Variants in TENM3 observed in about 807,000 individuals in gnomAD.
TENM3 encodes teneurin transmembrane protein 3.
Under a neutral mutation model 255.1 loss-of-function variants are expected in TENM3, and 63 were observed. The observed-to-expected ratio is 0.25, with a 90% confidence interval of 0.20 to 0.30. TENM3 has a LOEUF of 0.30. TENM3 is among the 10% of genes least tolerant of loss of function. The probability of loss-of-function intolerance (pLI) is 1.00; values close to 1 mark genes in which losing one functional copy is unlikely to be tolerated. For synonymous variants in TENM3, 1,306 were observed against 1,322.3 expected (o/e 0.99, Z 0.27); for missense variants, 2,929 against 3,461.1 (o/e 0.85, Z 3.86).
chr4:181,635,168 C>T, the TENM3 span, among the ~76,000 whole-genome samples: 7 of 152,194 alleles, frequency 4.6e-5, no homozygotes, highest in East Asian at 3.9e-4. Context: ...GGGAGGCATG[C>T]GGGCATAGCA....
intron 1 of TENM3, among the ~76,000 whole-genome samples, chr4:182,269,813 G>A (rs1401684833): frequency 1.3e-5 from 2 of 152,130 alleles, no homozygotes; most frequent in South Asian, 4.1e-4. Flanking sequence ...ATGGCTCGGG[G>A]AACAGTCTCA....
chr4:182,636,316 A>G (rs6820558), intron 5 of TENM3, among the ~76,000 whole-genome samples: 55,595 of 152,050 alleles, frequency 0.37, 10,889 homozygotes, highest in East Asian at 0.7. Flanking sequence ...GCCTGATTCA[A>G]TGGTGATTAA....
chr4:182,730,140 C>G, intron 14 of TENM3, 60 bp from the exon 15 acceptor site: 13 of 1,595,924 alleles, frequency 8.1e-6, no homozygotes, highest in Non-Finnish European at 1.0e-5. Flanking sequence ...ATCTATAAAT[C>G]ATGATAATGT....
the TENM3 span, among the ~76,000 whole-genome samples, chr4:182,036,421 C>T: frequency 1.3e-5 from 2 of 152,098 alleles, no homozygotes; most frequent in African/African-American, 4.8e-5. Context: ...GAACTCCTGA[C>T]CTCAGGTGAT....
At chr4:181,890,016 G>A in the TENM3 span, among the ~76,000 whole-genome samples, 1 of 152,124 alleles carries the variant, frequency 6.6e-6, no homozygotes, top group Non-Finnish European at 1.5e-5. Flanking sequence ...AGTCTTCAGA[G>A]GGACTAATAG....
rs549491017 is a variant in TENM3, at chr4:182,205,898, C to T, written c.-76+61144C>T. Among the ~76,000 whole-genome samples the T allele has an allele frequency of 6.6e-5, 10 of 152,186 alleles. No individual in the cohort carries two copies. The South Asian group carries it at 1.9e-3, about 28-fold the overall frequency. On this transcript the variant is annotated intron_variant, in intron 1 of 2. Coordinates refer to the TENM3 transcript ENST00000512480. ...ACAGAATATGAAAAAATTAAGCCAG[C>T]GGACAATTAATATAGTGAGAAGTGC... is the stretch of plus-strand genomic sequence containing the variant.
intron 3 of TENM3, among the ~76,000 whole-genome samples, chr4:182,451,564 G>A (rs1179013853): frequency 1.3e-5 from 2 of 152,128 alleles, no homozygotes; most frequent in Non-Finnish European, 2.9e-5. Context: ...TCTAAATACA[G>A]TGATCCTGAT....
chr4:181,746,976 A>G, the TENM3 span, among the ~76,000 whole-genome samples: 1 of 152,096 alleles, frequency 6.6e-6, no homozygotes, highest in African/African-American at 2.4e-5. Flanking sequence ...GTGTGGTTAT[A>G]TATCTCTGCA....
the TENM3 span, among the ~76,000 whole-genome samples, chr4:182,039,089 A>G: frequency 1.3e-5 from 2 of 152,120 alleles, no homozygotes. Context: ...GAAACCCTAG[A>G]ACACTGCCTC....
intron 1 of TENM3, among the ~76,000 whole-genome samples, chr4:182,212,845 C>CT (rs762955268): frequency 1.3e-5 from 2 of 152,190 alleles, no homozygotes; most frequent in East Asian, 3.8e-4. Flanking sequence ...CTGTCATTGT[C>CT]TTGGGTGACT....
At chr4:182,561,985 C>CAGACAGAT (rs1553986594) in intron 3 of TENM3, among the ~76,000 whole-genome samples, 66 of 145,310 alleles carry the variant, frequency 4.5e-4, no homozygotes, top group African/African-American at 1.2e-3. Flanking sequence ...GATAGATAGA[C>CAGACAGAT]AGATAGATAG....
chr4:181,827,948 T>C, the TENM3 span, among the ~76,000 whole-genome samples: 1 of 152,210 alleles, frequency 6.6e-6, no homozygotes, highest in South Asian at 2.1e-4. Flanking sequence ...AAAAAAATGA[T>C]CTCTTCCTCT....
At chr4:182,444,028 G>A (rs528916824) in intron 3 of TENM3, among the ~76,000 whole-genome samples, 1 of 152,220 alleles carries the variant, frequency 6.6e-6, no homozygotes, top group African/African-American at 2.4e-5. Context: ...GTCTATTGTG[G>A]GTGGATTTTT....
At chr4:182,460,345 C>G (rs1774239824) in intron 3 of TENM3, among the ~76,000 whole-genome samples, 1 of 152,090 alleles carries the variant, frequency 6.6e-6, no homozygotes, top group African/African-American at 2.4e-5. Context: ...TAGCCATAAT[C>G]TGATAACATG....
chr4:181,695,117 CA>C, the TENM3 span, among the ~76,000 whole-genome samples: 1 of 152,118 alleles, frequency 6.6e-6, no homozygotes, highest in Non-Finnish European at 1.5e-5. Flanking sequence ...TGACTATTTT[CA>C]ACATCCTAAA....
intron 3 of TENM3, among the ~76,000 whole-genome samples, chr4:182,416,808 A>G (rs754668967): frequency 5.3e-5 from 8 of 152,216 alleles, no homozygotes; most frequent in African/African-American, 1.9e-4. Flanking sequence ...CTTAAGAAAC[A>G]CCAAACCTGC....
chr4:181,729,553 A>G, the TENM3 span, among the ~76,000 whole-genome samples: 3 of 152,240 alleles, frequency 2.0e-5, no homozygotes, highest in African/African-American at 7.2e-5. Context: ...TTGTGGCTCT[A>G]TCATTAACAG....
intron 6 of TENM3, among the ~76,000 whole-genome samples, chr4:182,669,718 G>GT (rs1280296789): frequency 6.6e-6 from 1 of 152,038 alleles, no homozygotes; most frequent in African/African-American, 2.4e-5. Context: ...TTAAAACTTA[G>GT]TAATTTAAAA....
chr4:181,557,265 G>T, the TENM3 span, among the ~76,000 whole-genome samples: 3 of 152,092 alleles, frequency 2.0e-5, no homozygotes, highest in African/African-American at 7.2e-5. Flanking sequence ...AAGGTCAATG[G>T]GTCACAATGT....
Sources: allele counts gnomAD v4.1 joint callset (sites outside exome capture counted in the v4.1 genomes callset), GRCh38; gene constraint gnomAD v4.1.1; transcripts MANE v1.5; gene names NCBI Gene and HGNC (gene_info 2026-07-23, HGNC 2026-07-21).